CHCHD6: variants seen among roughly 807,000 people sequenced by gnomAD.
The protein encoded by CHCHD6 is coiled-coil-helix-coiled-coil-helix domain containing 6, also known as MICOS complex subunit MIC25.
Under a neutral mutation model 32.3 loss-of-function variants are expected in CHCHD6, and 28 were observed. The ratio of observed to expected loss-of-function variants is 0.87; its 90% confidence interval spans 0.64 to 1.19. CHCHD6 has a LOEUF of 1.19. Ranked by LOEUF, CHCHD6 falls within the 50% of genes most tolerant of loss-of-function variation. The pLI is 0.00. For synonymous variants in CHCHD6, 122 were observed against 117.5 expected, an observed-to-expected ratio of 1.04 and a Z score of -0.25; for missense variants, 333 against 307.0, an observed-to-expected ratio of 1.08 and a Z score of -0.63.
At chr3:126,741,959 C>T (rs1270866491) in intron 4 of CHCHD6, among the ~76,000 whole-genome samples, 1 of 152,156 alleles carries the variant, frequency 6.6e-6, no homozygotes, top group Non-Finnish European at 1.5e-5. Flanking sequence ...GCAGCTCCTG[C>T]CTAGATGAAT....
In CHCHD6 at chr3:126,852,634, C is replaced by A. The variant is rs746161988; in HGVS notation, c.412-13C>A. ...GCTGCTGGCTAACGTGGGCTTTGTT[C>A]TCTTCCAAGCAGGCCAGGGAGCTGG... On this transcript the variant is annotated splice_polypyrimidine_tract_variant and intron_variant, in intron 4 of 7. Coordinates refer to ENST00000290913, the MANE Select transcript of CHCHD6 (RefSeq NM_032343.3). 4.8e-5 allele frequency: 78 copies of A among 1,610,768 alleles called. 2 individuals carry two copies. The South Asian group carries it at 8.1e-4, about 17-fold the overall frequency.
chr3:126,837,601 A>G lies in CHCHD6; in HGVS notation c.412-15046A>G, dbSNP rs903111874. Among the ~76,000 whole-genome samples, 4 of 152,100 alleles carry G rather than the reference A, an allele frequency of 2.6e-5. No individual in the cohort carries two copies. The South Asian group carries it at 6.2e-4, about 24-fold the overall frequency. On this transcript the variant is annotated intron_variant, in intron 4 of 7. Transcript: ENST00000290913. ...ATATACATAGTGTTTAATAATATCT[A>G]TTTCACTAGGTTATTGTATAAGTTA...
intron 6 of CHCHD6, among the ~76,000 whole-genome samples, chr3:126,950,720 G>A (rs896514220): frequency 1.3e-5 from 2 of 152,032 alleles, no homozygotes; most frequent in Non-Finnish European, 2.9e-5. Context: ...AAAGTGCTAG[G>A]ATTACAGGCA....
chr3:126,731,054 G>T (rs868753177), intron 3 of CHCHD6, among the ~76,000 whole-genome samples: 2 of 144,860 alleles, frequency 1.4e-5, no homozygotes, highest in African/African-American at 5.2e-5. Flanking sequence ...GCTGCAGGGA[G>T]CTGTGATTGC....
At chr3:126,934,903 C>T (rs2078456754) in intron 6 of CHCHD6, among the ~76,000 whole-genome samples, 1 of 152,096 alleles carries the variant, frequency 6.6e-6, no homozygotes, top group Non-Finnish European at 1.5e-5. Context: ...TAAATTAACA[C>T]CTACTTCAGA....
rs529759166 is a variant in CHCHD6 at position 126,896,828 on chromosome 3, G to A, written c.496-17852G>A. ...CTGCTCCAGTCCAGCCAGCTGGAGCGCAGAGGAGACATGGGGGCTGGAGAG... is the reference window on the plus strand; with the variant it reads ...CTGCTCCAGTCCAGCCAGCTGGAGCACAGAGGAGACATGGGGGCTGGAGAG... On this transcript the variant is annotated intron_variant, in intron 5 of 7. Transcript: ENST00000290913. 3.9e-5 allele frequency among the ~76,000 whole-genome samples: 6 copies of A among 152,314 alleles called. No individual in the cohort carries two copies. The South Asian group carries it at 6.2e-4, about 16-fold the overall frequency.
intron 4 of CHCHD6, among the ~76,000 whole-genome samples, chr3:126,803,127 C>T (rs1438905179): frequency 6.6e-6 from 1 of 151,984 alleles, no homozygotes; most frequent in South Asian, 2.1e-4. Context: ...ATGTAAAAGA[C>T]CATCGAGACT....
intron 6 of CHCHD6, among the ~76,000 whole-genome samples, chr3:126,947,105 C>T (rs1384052797): frequency 6.6e-6 from 1 of 152,264 alleles, no homozygotes; most frequent in Non-Finnish European, 1.5e-5. Flanking sequence ...TCTTCTTGCC[C>T]ACCTGGGAGC....
intron 4 of CHCHD6, among the ~76,000 whole-genome samples, chr3:126,783,511 C>A (rs1435890092): frequency 6.6e-6 from 1 of 152,204 alleles, no homozygotes; most frequent in Non-Finnish European, 1.5e-5. Context: ...TAAGTTGTCT[C>A]TGTTTGCAAA....
intron 4 of CHCHD6, among the ~76,000 whole-genome samples, chr3:126,799,391 C>A (rs1938956077): frequency 6.6e-6 from 1 of 152,224 alleles, no homozygotes; most frequent in South Asian, 2.1e-4. Context: ...TGACAAACTA[C>A]TGATGTATTT....
intron 6 of CHCHD6, among the ~76,000 whole-genome samples, chr3:126,937,504 A>G (rs1353688700): frequency 1.1e-4 from 17 of 152,230 alleles, no homozygotes; most frequent in Admixed American, 1.1e-3. Context: ...TGGCCTGTCC[A>G]TGGGCTTTGG....
intron 4 of CHCHD6, among the ~76,000 whole-genome samples, chr3:126,753,843 A>G (rs564524027): frequency 6.6e-6 from 1 of 152,208 alleles, no homozygotes; most frequent in Non-Finnish European, 1.5e-5. Context: ...TGCTGGAAGT[A>G]GTACTACCTG....
At chr3:126,959,473 C>T (rs1340983682) in intron 7 of CHCHD6, among the ~76,000 whole-genome samples, 1 of 152,238 alleles carries the variant, frequency 6.6e-6, no homozygotes, top group African/African-American at 2.4e-5. Flanking sequence ...CGCCAGCCTT[C>T]GCCTCAGAAG....
At chr3:126,786,602 G>T (rs2107683451) in intron 4 of CHCHD6, among the ~76,000 whole-genome samples, 1 of 152,212 alleles carries the variant, frequency 6.6e-6, no homozygotes, top group South Asian at 2.1e-4. Flanking sequence ...TTTTTCATGT[G>T]TCTTTTGGCT....
intron 4 of CHCHD6, among the ~76,000 whole-genome samples, chr3:126,800,401 C>G (rs1383744653): frequency 6.6e-6 from 1 of 152,134 alleles, no homozygotes; most frequent in Non-Finnish European, 1.5e-5. Flanking sequence ...CCAGAGACAG[C>G]TGGAACTCGG....
chr3:126,920,781 T>C (rs1046632753), intron 6 of CHCHD6, among the ~76,000 whole-genome samples: 8 of 152,202 alleles, frequency 5.3e-5, no homozygotes. Context: ...CAGCTGAAGC[T>C]ATTTGCCTGA....
chr3:126,922,858 C>T (rs1298890976), intron 6 of CHCHD6, among the ~76,000 whole-genome samples: 1 of 152,216 alleles, frequency 6.6e-6, no homozygotes, highest in Non-Finnish European at 1.5e-5. Context: ...AGTTGACCAA[C>T]AGAGGTTAGT....
intron 5 of CHCHD6, among the ~76,000 whole-genome samples, chr3:126,911,996 G>A (rs1010760525): frequency 1.3e-5 from 2 of 152,324 alleles, no homozygotes; most frequent in East Asian, 3.9e-4. Flanking sequence ...GAATTGTGGG[G>A]GGCGGGGCTT....
intron 6 of CHCHD6, among the ~76,000 whole-genome samples, chr3:126,944,856 T>C (rs1002816620): frequency 6.6e-6 from 1 of 152,164 alleles, no homozygotes; most frequent in Admixed American, 6.5e-5. Flanking sequence ...GATGGAGACT[T>C]ACCTTCTCCT....
Sources: gnomAD v4.1 joint callset for allele counts (sites outside exome capture counted in the v4.1 genomes callset) on GRCh38, gnomAD v4.1.1 for gene constraint, MANE v1.5 for transcripts, NCBI Gene and HGNC (gene_info 2026-07-23, HGNC 2026-07-21) for gene names.